The following DPP10 variants were observed in gnomAD, a reference collection of about 807,000 sequenced individuals.
The protein encoded by DPP10 is inactive dipeptidyl peptidase 10.
Under a neutral mutation model 120.9 loss-of-function variants are expected in DPP10, and 33 were observed. That is an observed-to-expected ratio of 0.27 (90% confidence interval 0.21 to 0.37). The LOEUF (loss-of-function observed/expected upper bound fraction) is 0.37, where lower values mean the gene tolerates loss of function less well. Among genes scored for constraint, DPP10 ranks in the 10% least tolerant of loss-of-function variants. DPP10 has a pLI of 1.00. For synonymous variants in DPP10, 337 were observed against 326.1 expected (o/e 1.03, Z -0.36); for missense variants, 816 against 942.8 (o/e 0.87, Z 1.76).
intron 1 of DPP10, among the ~76,000 whole-genome samples, chr2:114,580,072 G>T (rs1313647490): frequency 6.6e-6 from 1 of 152,196 alleles, no homozygotes; most frequent in Non-Finnish European, 1.5e-5. Flanking sequence ...TAACAAACTT[G>T]AGGTTGCTCA....
intron 19 of DPP10, among the ~76,000 whole-genome samples, chr2:115,812,130 A>G (rs868362952): frequency 6.6e-6 from 1 of 152,176 alleles, no homozygotes; most frequent in South Asian, 2.1e-4. Context: ...CTAGTGTTTC[A>G]GTTATTTTTG....
chr2:114,956,826 A>C (rs930841241), intron 1 of DPP10, among the ~76,000 whole-genome samples: 1 of 152,086 alleles, frequency 6.6e-6, no homozygotes, highest in African/African-American at 2.4e-5. Context: ...GGCAAAGATA[A>C]CAAGAATATG....
chr2:114,948,162 C>G (rs770450079), intron 1 of DPP10, among the ~76,000 whole-genome samples: 1 of 151,962 alleles, frequency 6.6e-6, no homozygotes, highest in Non-Finnish European at 1.5e-5. Context: ...ATTCTGGGAG[C>G]GTGCTTTGAC....
intron 1 of DPP10, among the ~76,000 whole-genome samples, chr2:114,853,713 A>G (rs1476654480): frequency 7.2e-5 from 11 of 152,090 alleles, no homozygotes; most frequent in African/African-American, 9.6e-5. Flanking sequence ...TGTTTCATTC[A>G]CTCTCTCTTG....
chr2:114,680,315 T>C lies in DPP10; in HGVS notation c.60+237477T>C, dbSNP rs1295615131. Among the ~76,000 whole-genome samples, 10 of 152,114 alleles carry C rather than the reference T, an allele frequency of 6.6e-5. 1 individual carries two copies. The highest frequency in any genetic ancestry group is 2.6e-4 in the Admixed American group (4 of 15,238). ...GTAATCACTCTAAACTACAGAGCCA[T>C]TTTCTCACTTTCTGAATGTGTTTAT... On this transcript the variant is annotated intron_variant, in intron 1 of 25. Coordinates refer to ENST00000410059, the MANE Select transcript of DPP10 (RefSeq NM_020868.6).
At chr2:115,041,117 C>CAAAAAA (rs10577275) in intron 1 of DPP10, among the ~76,000 whole-genome samples, 2 of 127,934 alleles carry the variant, frequency 1.6e-5, no homozygotes, top group African/African-American at 5.8e-5. Context: ...TAGCTCAAAA[C>CAAAAAA]AAAAAAAAAA....
intron 5 of DPP10, among the ~76,000 whole-genome samples, chr2:115,637,519 G>A (rs1164614405): frequency 1.3e-5 from 2 of 152,038 alleles, no homozygotes; most frequent in South Asian, 2.1e-4. Flanking sequence ...AGTAAGATTG[G>A]GCAACAGTGA....
intron 1 of DPP10, among the ~76,000 whole-genome samples, chr2:115,155,883 C>T (rs1479921219): frequency 1.3e-5 from 2 of 152,150 alleles, no homozygotes; most frequent in African/African-American, 2.4e-5. Flanking sequence ...ATTCTCTTGG[C>T]GTTTCCCTTC....
At chr2:115,262,861 T>C (rs4353661) in intron 1 of DPP10, among the ~76,000 whole-genome samples, 38,459 of 151,134 alleles carry the variant, frequency 0.25, 5,080 homozygotes, top group East Asian at 0.37. Context: ...ATAGATTGTA[T>C]ATTAATCCCC....
intron 1 of DPP10, among the ~76,000 whole-genome samples, chr2:114,645,969 G>A (rs1435362716): frequency 1.3e-5 from 2 of 152,054 alleles, no homozygotes; most frequent in African/African-American, 4.8e-5. Flanking sequence ...AGACCAGCCT[G>A]ACCAACATGG....
At chr2:115,013,954 G>T in intron 1 of DPP10, among the ~76,000 whole-genome samples, 1 of 152,130 alleles carries the variant, frequency 6.6e-6, no homozygotes, top group Admixed American at 6.5e-5. Flanking sequence ...AAATTAACAA[G>T]CATATTCAGG....
chr2:115,465,807 G>C (rs2074292852), intron 3 of DPP10, among the ~76,000 whole-genome samples: 1 of 149,692 alleles, frequency 6.7e-6, no homozygotes, highest in Non-Finnish European at 1.5e-5. Flanking sequence ...GGGTGACAGA[G>C]TGAGGCTTCA....
intron 3 of DPP10, among the ~76,000 whole-genome samples, chr2:115,428,855 C>T (rs2104753794): frequency 6.6e-6 from 1 of 152,298 alleles, no homozygotes; most frequent in African/African-American, 2.4e-5. Flanking sequence ...ATCCACTCTA[C>T]TTCTGTGTCC....
chr2:114,680,863 A>G (rs1212785755), intron 1 of DPP10, among the ~76,000 whole-genome samples: 2 of 152,002 alleles, frequency 1.3e-5, no homozygotes, highest in African/African-American at 4.8e-5. Flanking sequence ...ACGTGGTCCC[A>G]TAATCAAAGG....
At chr2:114,622,416 T>A (rs987217062) in intron 1 of DPP10, among the ~76,000 whole-genome samples, 7 of 151,954 alleles carry the variant, frequency 4.6e-5, no homozygotes, top group Non-Finnish European at 1.0e-4. Context: ...CTTTTTTTTT[T>A]TTTTGCTTTT....
At chr2:115,239,998 A>G (rs2105558047) in intron 1 of DPP10, among the ~76,000 whole-genome samples, 1 of 152,314 alleles carries the variant, frequency 6.6e-6, no homozygotes, top group South Asian at 2.1e-4. Context: ...TATCCAGTCT[A>G]TCATTGATGG....
intron 3 of DPP10, among the ~76,000 whole-genome samples, chr2:115,448,352 A>G (rs78430390): frequency 0.04 from 6,057 of 152,326 alleles, 172 homozygotes; most frequent in Admixed American, 0.078. Flanking sequence ...AAACACTACC[A>G]TAAGATGATA....
chr2:114,539,042 A>G (rs1686741257), intron 1 of DPP10, among the ~76,000 whole-genome samples: 1 of 152,110 alleles, frequency 6.6e-6, no homozygotes, highest in Non-Finnish European at 1.5e-5. Context: ...GATGACAGCC[A>G]CTTTGATCTT....
chr2:115,438,079 CAAATT>C (rs1049412884), intron 3 of DPP10, among the ~76,000 whole-genome samples: 2 of 151,666 alleles, frequency 1.3e-5, no homozygotes, highest in African/African-American at 2.4e-5. Context: ...GATGAAATCT[CAAATT>C]AAACAAAAAC....
Sources: gnomAD v4.1 joint callset for allele counts (sites outside exome capture counted in the v4.1 genomes callset) on GRCh38, gnomAD v4.1.1 for gene constraint, MANE v1.5 for transcripts, NCBI Gene and HGNC (gene_info 2026-07-23, HGNC 2026-07-21) for gene names.